The following CUX1 variants were observed in gnomAD, a reference collection of about 807,000 sequenced individuals.
CUX1 encodes protein CASP.
A neutral mutation model predicts 158.8 loss-of-function variants in CUX1; 31 were observed. The ratio of observed to expected loss-of-function variants is 0.20; its 90% confidence interval spans 0.15 to 0.26. CUX1 has a LOEUF of 0.26. Among genes scored for constraint, CUX1 ranks in the 10% least tolerant of loss-of-function variants. CUX1 has a pLI of 1.00. For synonymous variants in CUX1, 879 were observed against 862.1 expected (o/e 1.02, Z -0.34); for missense variants, 1,589 against 2,014.6 (o/e 0.79, Z 4.04).
At chr7:102,030,210 T>G (rs1820562843) in intron 3 of CUX1, among the ~76,000 whole-genome samples, 1 of 152,062 alleles carries the variant, frequency 6.6e-6, no homozygotes, top group Non-Finnish European at 1.5e-5. Context: ...CGGGGTTTCA[T>G]CATACTGGTC....
At chr7:102,276,852 T>G (rs1234912538) in intron 17 of CUX1, among the ~76,000 whole-genome samples, 3 of 152,114 alleles carry the variant, frequency 2.0e-5, no homozygotes, top group Non-Finnish European at 4.4e-5. Context: ...TTGGGGTGAT[T>G]TTAAATGTTC....
At chr7:102,037,958 G>C (rs1472014723) in intron 3 of CUX1, among the ~76,000 whole-genome samples, 1 of 151,842 alleles carries the variant, frequency 6.6e-6, no homozygotes, top group Non-Finnish European at 1.5e-5. Flanking sequence ...GGGAGACTGA[G>C]GCACGAGAGT....
chr7:102,282,966 C>G, intron 22 of CUX1: 3 of 1,344,884 alleles, frequency 2.2e-6, no homozygotes, highest in South Asian at 2.4e-5. Flanking sequence ...ATGGTACACA[C>G]CCCCCTTCCC....
At chr7:101,842,967 A>G in intron 1 of CUX1, among the ~76,000 whole-genome samples, 1 of 143,820 alleles carries the variant, frequency 7.0e-6, no homozygotes, top group Non-Finnish European at 1.5e-5. Flanking sequence ...CCGGGTTCAC[A>G]CCATTCTCCT....
At position 101,832,805 on chromosome 7, in the gene CUX1, G is replaced by A. The variant is rs563291752; in HGVS notation, c.30+15136G>A. ...GGTACTAGGACTGCCACTTCTGGGC[G>A]CGTCGGAGCGGCTGCACAGGGGGTC... On this transcript the variant is annotated intron_variant, in intron 1 of 23. Transcript: ENST00000292535. Among the ~76,000 whole-genome samples the A allele has an allele frequency of 2.0e-4, 30 of 152,228 alleles. 1 individual carries two copies. In the East Asian group the frequency reaches 2.3e-3, roughly 12 times the overall value.
chr7:102,135,450 G>A (rs782358280), intron 8 of CUX1, among the ~76,000 whole-genome samples: 1 of 151,976 alleles, frequency 6.6e-6, no homozygotes, highest in South Asian at 2.1e-4. Flanking sequence ...GGAGGAGGAC[G>A]TGGAGGAGGT....
At chr7:101,871,899 T>G (rs1798593756) in intron 1 of CUX1, among the ~76,000 whole-genome samples, 1 of 151,636 alleles carries the variant, frequency 6.6e-6, no homozygotes. Context: ...GTGCCTGTAA[T>G]CCCAGCTACT....
chr7:101,843,954 G>T (rs1176332900), intron 1 of CUX1, among the ~76,000 whole-genome samples: 1 of 151,440 alleles, frequency 6.6e-6, no homozygotes, highest in African/African-American at 2.4e-5. Context: ...GCCATTTGCA[G>T]ATTGGAAGTC....
intron 2 of CUX1, among the ~76,000 whole-genome samples, chr7:101,988,623 G>A (rs1814655030): frequency 6.6e-6 from 1 of 152,030 alleles, no homozygotes; most frequent in South Asian, 2.1e-4. Context: ...TGTCCTCAGG[G>A]ATCTTCCAGC....
rs538035016 is a variant in CUX1, at chr7:102,266,966, T to C, written c.1256-6400T>C. The stretch of plus-strand genomic sequence containing the variant: ...TGTGTACATGCCTGCTAGGAGAACA[T>C]GCTTGCATGCATGTAGAAGGCAAGA... On this transcript the variant is annotated intron_variant, in intron 14 of 22. Coordinates refer to the CUX1 transcript ENST00000292538. Among the ~76,000 whole-genome samples the C allele has an allele frequency of 2.6e-5, 4 of 152,130 alleles. No homozygotes were observed. In the South Asian group the frequency reaches 8.3e-4, roughly 32 times the overall value.
rs552207995 is a variant in CUX1 at position 102,086,850 on chromosome 7, A to G, written c.269-10514A>G. On this transcript the variant is annotated intron_variant, in intron 4 of 23. Transcript: ENST00000292535. The stretch of plus-strand genomic sequence containing the variant: ...GCAAATATACCTTTAAGATTATTAT[A>G]TCGTCTCTCAATTGTTTGATTCTTT... Among the ~76,000 whole-genome samples, 139 of 152,204 alleles carry G rather than the reference A, an allele frequency of 9.1e-4. 1 individual carries two copies. The highest frequency in any genetic ancestry group is 9.1e-3 in the Admixed American group (139 of 15,288).
chr7:102,273,391 T>C, exon 15 of CUX1: 1 of 1,612,584 alleles, frequency 6.2e-7, no homozygotes, highest in Non-Finnish European at 8.5e-7. Flanking sequence ...TGCAAGTCCG[T>C]ATCACTGAGG....
At chr7:102,188,321 A>T (rs528713908) in intron 11 of CUX1, among the ~76,000 whole-genome samples, 56 of 152,292 alleles carry the variant, frequency 3.7e-4, no homozygotes, top group African/African-American at 1.3e-3. Context: ...AATGGCCAGA[A>T]CACCCTCCCG....
At position 102,060,911 on chromosome 7, in the gene CUX1, C is replaced by CTTTTTT. The variant is rs1039443388; in HGVS notation, c.190-9411_190-9406dup. On this transcript the variant is annotated intron_variant, in intron 3 of 23. Coordinates refer to ENST00000292535, the MANE Select transcript of CUX1 (RefSeq NM_181552.4). Reference sequence around the variant, plus strand: ...ACAGGTGTGAACCACCGCGCCTGGCCTTTTTTTTTTTTTTTTTTTTTTGGA... The same window carrying CTTTTTT: ...ACAGGTGTGAACCACCGCGCCTGGCCTTTTTTTTTTTTTTTTTTTTTTTTTTTTGGA... 3.5e-4 allele frequency among the ~76,000 whole-genome samples: 28 copies of CTTTTTT among 79,462 alleles called. 2 individuals carry two copies. Among genetic ancestry groups the CTTTTTT allele is most frequent in the African/African-American group, 1.7e-3 (24 of 13,780 alleles). 52.1% of individuals were successfully genotyped at this position (79,462 alleles called of 152,430 possible). A position where few individuals can be genotyped will look rare whatever the true frequency, so the allele number is the denominator to read the frequency against.
At chr7:102,091,316 T>C (rs1828560172) in intron 4 of CUX1, among the ~76,000 whole-genome samples, 1 of 152,010 alleles carries the variant, frequency 6.6e-6, no homozygotes, top group Non-Finnish European at 1.5e-5. Context: ...TTAGCTTGCT[T>C]TTTTTTTCTT....
At chr7:102,032,068 G>T (rs1338413627) in intron 3 of CUX1, among the ~76,000 whole-genome samples, 3 of 151,988 alleles carry the variant, frequency 2.0e-5, no homozygotes, top group African/African-American at 7.2e-5. Context: ...TAGGACCACA[G>T]GCTCTTGCCA....
intron 3 of CUX1, among the ~76,000 whole-genome samples, chr7:102,047,114 C>T (rs770422568): frequency 2.8e-4 from 43 of 152,216 alleles, no homozygotes; most frequent in Non-Finnish European, 3.8e-4. Flanking sequence ...CAGGCTAGAC[C>T]AGAACTAGAC....
Position 102,073,165 on chromosome 7 carries a change from C to CTTTTTTTTTTTTTTT in CUX1, c.268+2758_268+2772dup, listed in dbSNP as rs869202667. On this transcript the variant is annotated intron_variant, in intron 4 of 23. Coordinates refer to ENST00000292535, the MANE Select transcript of CUX1 (RefSeq NM_181552.4). ...AAATAATATGTAATCTCTTTTCTTT[C>CTTTTTTTTTTTTTTT]TTTTTTTTTTTTTTTTTTTTTTTTC... Among the ~76,000 whole-genome samples, 268 of 66,870 alleles carry CTTTTTTTTTTTTTTT rather than the reference C, an allele frequency of 4.0e-3. 70 individuals carry two copies. Among genetic ancestry groups the CTTTTTTTTTTTTTTT allele is most frequent in the African/African-American group, 0.014 (218 of 15,578 alleles). 43.9% of individuals were successfully genotyped at this position (66,870 alleles called of 152,430 possible). A position where few individuals can be genotyped will look rare whatever the true frequency, so the allele number is the denominator to read the frequency against.
intron 9 of CUX1, among the ~76,000 whole-genome samples, chr7:102,167,548 T>A (rs1791187260): frequency 6.6e-6 from 1 of 152,102 alleles, no homozygotes; most frequent in African/African-American, 2.4e-5. Flanking sequence ...CAGAACAGCT[T>A]CTCCACTAGG....
Sources: gnomAD v4.1 joint callset for allele counts (sites outside exome capture counted in the v4.1 genomes callset) on GRCh38, gnomAD v4.1.1 for gene constraint, MANE v1.5 for transcripts, NCBI Gene and HGNC (gene_info 2026-07-23, HGNC 2026-07-21) for gene names.